RIT2: variants seen among roughly 807,000 people sequenced by gnomAD.
The protein encoded by RIT2 is Ras like without CAAX 2.
A neutral mutation model predicts 23.7 loss-of-function variants in RIT2; 24 were observed. The ratio of observed to expected loss-of-function variants is 1.01; its 90% CI spans 0.73 to 1.43. RIT2 has a LOEUF of 1.43. Ranked by LOEUF, RIT2 falls within the 40% of genes most tolerant of loss-of-function variation. The pLI, the probability that RIT2 is intolerant of heterozygous loss-of-function variation, is 0.00. For synonymous variants in RIT2, 107 were observed against 91.1 expected (o/e 1.17, Z -0.99); for missense variants, 236 against 266.9 (o/e 0.88, Z 0.81).
intron 2 of RIT2, among the ~76,000 whole-genome samples, chr18:42,985,056 T>A (rs912613306): frequency 1.3e-5 from 2 of 152,048 alleles, no homozygotes; most frequent in African/African-American, 4.8e-5. Context: ...AAAAACTAGA[T>A]TAAATAAATG....
intron 1 of RIT2, among the ~76,000 whole-genome samples, chr18:43,065,919 G>T (rs1470298917): frequency 6.6e-6 from 1 of 152,104 alleles, no homozygotes; most frequent in Non-Finnish European, 1.5e-5. Context: ...CATGGTGAGG[G>T]TCTGTTTAGT....
At chr18:42,953,769 AT>A (rs1909908171) in intron 3 of RIT2, among the ~76,000 whole-genome samples, 1 of 152,170 alleles carries the variant, frequency 6.6e-6, no homozygotes, top group African/African-American at 2.4e-5. Flanking sequence ...TATTTCAGTT[AT>A]CATTTCTATA....
intron 2 of RIT2, among the ~76,000 whole-genome samples, chr18:42,992,955 T>A (rs554207828): frequency 6.6e-6 from 1 of 152,312 alleles, no homozygotes; most frequent in South Asian, 2.1e-4. Context: ...AAAATTAAAT[T>A]CTGGTCCTCA....
intron 1 of RIT2, among the ~76,000 whole-genome samples, chr18:43,088,420 G>A (rs1913336825): frequency 6.6e-6 from 1 of 152,130 alleles, no homozygotes; most frequent in Non-Finnish European, 1.5e-5. Flanking sequence ...AACTTGTTTA[G>A]TCTCTATCTT....
At chr18:43,107,839 T>C (rs1041665223) in intron 1 of RIT2, among the ~76,000 whole-genome samples, 3 of 152,050 alleles carry the variant, frequency 2.0e-5, no homozygotes, top group Admixed American at 2.0e-4. Context: ...TATTTTCATA[T>C]AGACGATTTT....
intron 1 of RIT2, among the ~76,000 whole-genome samples, chr18:43,101,149 T>C (rs1913674845): frequency 6.6e-6 from 1 of 152,038 alleles, no homozygotes; most frequent in Admixed American, 6.6e-5. Flanking sequence ...AATAATGCCA[T>C]TGTAAACATT....
intron 4 of RIT2, among the ~76,000 whole-genome samples, chr18:42,883,845 G>C (rs1907954655): frequency 2.0e-5 from 3 of 152,086 alleles, no homozygotes; most frequent in Admixed American, 2.0e-4. Flanking sequence ...ATTATTTTCT[G>C]ATTAGAATCC....
chr18:42,940,818 T>TTAAC (rs1231078579), intron 3 of RIT2, among the ~76,000 whole-genome samples: 3 of 152,176 alleles, frequency 2.0e-5, no homozygotes, highest in Admixed American at 2.0e-4. Flanking sequence ...TTAACTCCAC[T>TTAAC]TAACTCTTAA....
chr18:42,940,458 C>T (rs908090377), intron 3 of RIT2, among the ~76,000 whole-genome samples: 3 of 151,256 alleles, frequency 2.0e-5, no homozygotes, highest in Non-Finnish European at 4.4e-5. Flanking sequence ...TTCACAGGGG[C>T]ACTGTGTTAT....
At chr18:43,047,542 T>G (rs1598760847) in intron 1 of RIT2, among the ~76,000 whole-genome samples, 1 of 152,208 alleles carries the variant, frequency 6.6e-6, no homozygotes, top group South Asian at 2.1e-4. Context: ...AATGCTTGCA[T>G]TTTTCTCTTG....
chr18:42,880,630 G>A (rs1907863299), intron 4 of RIT2, among the ~76,000 whole-genome samples: 1 of 151,824 alleles, frequency 6.6e-6, no homozygotes, highest in African/African-American at 2.4e-5. Flanking sequence ...AGAGTTTCCT[G>A]TCTCCATATC....
intron 1 of RIT2, among the ~76,000 whole-genome samples, chr18:43,083,917 C>T (rs1206912662): frequency 6.6e-6 from 1 of 152,102 alleles, no homozygotes; most frequent in African/African-American, 2.4e-5. Flanking sequence ...TTCTGCACAG[C>T]AAAAGAAACT....
chr18:42,923,419 A>G (rs966392099), intron 4 of RIT2, 153 bp downstream of exon 4: 22 of 730,192 alleles, frequency 3.0e-5, no homozygotes, highest in Middle Eastern at 4.1e-4. Context: ...AGGCCAACAC[A>G]ATTTACCATG....
chr18:42,875,826 A>T (rs1907731277), intron 4 of RIT2, among the ~76,000 whole-genome samples: 1 of 151,948 alleles, frequency 6.6e-6, no homozygotes, highest in Admixed American at 6.6e-5. Flanking sequence ...TTTCAATCTT[A>T]ACAGAGTTCT....
chr18:43,051,020 G>A (rs370442656), intron 1 of RIT2, among the ~76,000 whole-genome samples: 6 of 152,024 alleles, frequency 3.9e-5, no homozygotes, highest in African/African-American at 7.2e-5. Flanking sequence ...GAACCCCAAC[G>A]TGAAGCCAGT....
At chr18:43,063,162 T>G (rs1372138049) in intron 1 of RIT2, among the ~76,000 whole-genome samples, 1 of 152,170 alleles carries the variant, frequency 6.6e-6, no homozygotes, top group African/African-American at 2.4e-5. Context: ...ATGAGTAGAT[T>G]TGAGTAAAAA....
At chr18:43,071,857 A>G (rs1912904195) in intron 1 of RIT2, among the ~76,000 whole-genome samples, 1 of 151,968 alleles carries the variant, frequency 6.6e-6, no homozygotes. Flanking sequence ...AAAATCTGAC[A>G]GGTGAACTGG....
At chr18:42,790,779 A>G (rs1914025990) in intron 4 of RIT2, among the ~76,000 whole-genome samples, 1 of 152,172 alleles carries the variant, frequency 6.6e-6, no homozygotes, top group Non-Finnish European at 1.5e-5. Context: ...TTTTATTTTG[A>G]TAACATGCCT....
At chr18:42,975,070 C>T (rs900131540) in intron 2 of RIT2, among the ~76,000 whole-genome samples, 1 of 152,056 alleles carries the variant, frequency 6.6e-6, no homozygotes, top group Admixed American at 6.6e-5. Flanking sequence ...CTGATTTTCA[C>T]TCCCAGCAGC....
Sources: gnomAD v4.1 joint callset for allele counts (sites outside exome capture counted in the v4.1 genomes callset) on GRCh38, gnomAD v4.1.1 for gene constraint, MANE v1.5 for transcripts, NCBI Gene and HGNC (gene_info 2026-07-23, HGNC 2026-07-21) for gene names.